Variants in PIK3C3 observed in about 807,000 individuals in gnomAD.
PIK3C3 encodes the protein phosphatidylinositol 3-kinase catalytic subunit type 3.
PIK3C3 carries 95 observed loss-of-function variants against 126.1 expected under a neutral mutation model. The observed-to-expected ratio is 0.75, with a 90% CI of 0.64 to 0.89. The LOEUF is 0.89. Ranked by LOEUF, PIK3C3 falls within the 40% of genes least tolerant of loss-of-function variation. The pLI, the probability that PIK3C3 is intolerant of heterozygous loss-of-function variation, is 0.00. For missense variants in PIK3C3, 829 were observed against 1,063.2 expected, an observed-to-expected ratio of 0.78 and a Z score of 3.06; for synonymous variants, 374 against 360.0, an observed-to-expected ratio of 1.04 and a Z score of -0.44.
chr18:41,990,323 A>G lies in PIK3C3; in HGVS notation c.619-136A>G, dbSNP rs541950856. 18 of 626,632 alleles carry G rather than the reference A, an allele frequency of 2.9e-5. No homozygotes were observed. The African/African-American group carries it at 3.1e-4, about 11-fold the overall frequency. 38.8% of individuals were successfully genotyped at this position (626,632 alleles called of 1,614,324 possible). On this transcript the variant is annotated intron_variant, in intron 5 of 24. Transcript: ENST00000262039. ...GTAAAACACACTACATGTATATAAT[A>G]AAATAAAAATGTGTTATGTTTTGAC...
intron 13 of PIK3C3, chr18:42,026,107 G>C (rs912552972): frequency 6.6e-6 from 1 of 152,202 alleles, no homozygotes; most frequent in African/African-American, 2.4e-5. Flanking sequence ...AGATAAAACA[G>C]TGTGAAAGTC....
chr18:42,051,473 T>C (rs993634350), intron 21 of PIK3C3, among the ~76,000 whole-genome samples: 5 of 151,924 alleles, frequency 3.3e-5, no homozygotes, highest in Non-Finnish European at 5.9e-5. Context: ...TCAAGAATAA[T>C]CTATTAATAT....
chr18:41,990,242 T>C (rs1981708166), intron 5 of PIK3C3, among the ~76,000 whole-genome samples: 1 of 152,164 alleles, frequency 6.6e-6, no homozygotes, highest in African/African-American at 2.4e-5. Context: ...TATAAGTGCA[T>C]AGTAGACACT....
intron 1 of PIK3C3, 135 bp from the exon 2 acceptor site, chr18:41,957,435 C>G: frequency 1.3e-6 from 1 of 746,684 alleles, no homozygotes. Context: ...CATACCTTAA[C>G]ACAAAGGTAA....
chr18:42,069,894 T>C (rs1007662634), intron 24 of PIK3C3, among the ~76,000 whole-genome samples: 2 of 152,214 alleles, frequency 1.3e-5, no homozygotes, highest in African/African-American at 4.8e-5. Context: ...GAAAAAGCAA[T>C]AATGATTTGT....
intron 15 of PIK3C3, among the ~76,000 whole-genome samples, chr18:42,032,035 A>G (rs1176838282): frequency 1.3e-5 from 2 of 152,244 alleles, no homozygotes; most frequent in Non-Finnish European, 2.9e-5. Flanking sequence ...GGGATTAGGC[A>G]GTACTTGTGT....
Position 41,987,901 on chromosome 18 carries a change from G to T in PIK3C3, c.618+3G>T. 1 of 1,490,714 alleles carries T rather than the reference G, an allele frequency of 6.7e-7. No individual in the cohort carries two copies. The highest frequency in any genetic ancestry group is 9.2e-7 in the Non-Finnish European group (1 of 1,086,344). 92.3% of individuals were successfully genotyped at this position (1,490,714 alleles called of 1,614,324 possible). On this transcript the variant is annotated splice_donor_region_variant and intron_variant, in intron 5 of 24. Transcript: ENST00000262039. The stretch of plus-strand genomic sequence containing the variant: ...GAGAAATAGAAATGATAAATGAGGT[G>T]GGTTATATCACTCTTTTATTTTAAA...
chr18:42,045,559 G>A (rs943187968), intron 20 of PIK3C3, among the ~76,000 whole-genome samples: 2 of 152,218 alleles, frequency 1.3e-5, no homozygotes, highest in Admixed American at 6.5e-5. Context: ...TGGGTTCCAA[G>A]AGCAAATATT....
In PIK3C3 at chr18:41,962,648, G is replaced by T. The variant is rs1980154282; in HGVS notation, c.401+16G>T. ...GAAAATACGGGTAAGCATTCTGTTGGTCTCATCTGTAGGAGTGTAGCAGCT... is the reference window on the plus strand; with the variant it reads ...GAAAATACGGGTAAGCATTCTGTTGTTCTCATCTGTAGGAGTGTAGCAGCT... On this transcript the variant is annotated intron_variant, in intron 3 of 24. Coordinates refer to ENST00000262039, the MANE Select transcript of PIK3C3 (RefSeq NM_002647.4). 3 of 1,607,332 alleles carry T rather than the reference G, an allele frequency of 1.9e-6. No individual in the cohort carries two copies. In the South Asian group the frequency reaches 3.3e-5, roughly 18 times the overall value.
At chr18:42,027,234 A>G (rs868781392) in intron 13 of PIK3C3, 38 of 277,576 alleles carry the variant, frequency 1.4e-4, no homozygotes, top group Admixed American at 2.1e-4. Flanking sequence ...TTAAGGCATT[A>G]CCACTCTTAG....
rs184263989 is a variant in PIK3C3 at position 41,995,088 on chromosome 18, T to C, written c.787-802T>C. Among the ~76,000 whole-genome samples, 691 of 142,742 alleles carry C rather than the reference T, an allele frequency of 4.8e-3. 3 individuals are homozygous for C. Among genetic ancestry groups the C allele is most frequent in the African/African-American group, 0.017 (661 of 38,936 alleles). The allele number at this position is 142,742 out of a possible 152,430, so 93.6% of individuals were successfully genotyped here. A position where few individuals can be genotyped will look rare whatever the true frequency, so the allele number is the denominator to read the frequency against. On this transcript the variant is annotated intron_variant, in intron 7 of 24. Transcript: ENST00000262039. Reference sequence around the variant, plus strand: ...TACTGTCAGTGTAGGGAAAGACTTTTTAACTGTGACTCAGAATCCAGAGGC... The same window carrying C: ...TACTGTCAGTGTAGGGAAAGACTTTCTAACTGTGACTCAGAATCCAGAGGC...
chr18:42,067,343 G>A, intron 23 of PIK3C3, 45 bp from the exon 24 acceptor site: 1 of 1,593,334 alleles, frequency 6.3e-7, no homozygotes, highest in South Asian at 1.1e-5. Flanking sequence ...TTCAAAATGT[G>A]CCCTATTTTT....
rs1199253605 is a variant in PIK3C3 at position 41,962,703 on chromosome 18, G to A, written c.401+71G>A. On this transcript the variant is annotated intron_variant, in intron 3 of 24. Transcript: ENST00000262039. ...GACCCTTTTCTTTTTCGGAATGAGGGAAGGCTTTAATAGTTTATGCTCAGT... is the reference window on the plus strand; with the variant it reads ...GACCCTTTTCTTTTTCGGAATGAGGAAAGGCTTTAATAGTTTATGCTCAGT... The A allele has an allele frequency of 3.4e-6, 5 of 1,471,958 alleles. No individual in the cohort carries two copies. In the African/African-American group the frequency reaches 4.2e-5, roughly 12 times the overall value. The allele number at this position is 1,471,958 out of a possible 1,614,324, so 91.2% of individuals were successfully genotyped here.
intron 2 of PIK3C3, among the ~76,000 whole-genome samples, chr18:41,960,075 A>G (rs549587816): frequency 1.3e-5 from 2 of 152,342 alleles, no homozygotes; most frequent in Admixed American, 6.5e-5. Context: ...TAGGGCCAGT[A>G]TGAGATTCTA....
chr18:42,072,738 G>A (rs1282064575), intron 24 of PIK3C3, among the ~76,000 whole-genome samples: 2 of 152,050 alleles, frequency 1.3e-5, no homozygotes, highest in Non-Finnish European at 2.9e-5. Context: ...GTCCGACTAT[G>A]TTGCCCAAGC....
In PIK3C3 at chr18:42,002,876, AT is replaced by A. The variant is rs910698775; in HGVS notation, c.985-1478del. 3.6e-4 allele frequency among the ~76,000 whole-genome samples: 55 copies of A among 152,364 alleles called. 1 individual carries two copies. The highest frequency in any genetic ancestry group is 2.9e-5 in the Non-Finnish European group (2 of 68,036). On this transcript the variant is annotated intron_variant, in intron 9 of 24. Transcript: ENST00000262039. The stretch of plus-strand genomic sequence containing the variant: ...ATATAGGAGATATTGCTAGGAAATA[AT>A]TGAAAGGAACTGGAATGGATTCAGG...
chr18:42,033,082 C>T (rs1261407049), intron 15 of PIK3C3, among the ~76,000 whole-genome samples: 2 of 152,058 alleles, frequency 1.3e-5, no homozygotes, highest in Non-Finnish European at 2.9e-5. Flanking sequence ...ACAAACTCAC[C>T]TATTTAGGTG....
Position 42,013,561 on chromosome 18 carries a change from G to C in PIK3C3, c.1290G>C (p.Val430=), listed in dbSNP as rs1173292449. ...KDSQSSVSEN[V]SNSGINSAEI... ...GTCAGAGTTCAGTGTCAGAAAATGT[G>C]TCAAATTCTGGAATAAATTCTGCAG... The change falls in exon 11 of 25, where the codon GTG becomes GTC. Residue 430 remains valine (V), a synonymous_variant. Transcript: ENST00000262039. The C allele has an allele frequency of 1.2e-6, 2 of 1,604,018 alleles. No homozygotes were observed. The highest frequency in any genetic ancestry group is 1.7e-5 in the Admixed American group (1 of 58,722).
chr18:41,992,986 A>G (rs1981852266), intron 6 of PIK3C3, among the ~76,000 whole-genome samples: 1 of 151,844 alleles, frequency 6.6e-6, no homozygotes, highest in Non-Finnish European at 1.5e-5. Flanking sequence ...AACGAAGTTT[A>G]AAAAAAAGGA....
Sources: allele counts gnomAD v4.1 joint callset (sites outside exome capture counted in the v4.1 genomes callset), GRCh38; gene constraint gnomAD v4.1.1; transcripts MANE v1.5; gene names NCBI Gene and HGNC (gene_info 2026-07-23, HGNC 2026-07-21).